Variants in HEXB observed in about 807,000 individuals in gnomAD.
HEXB encodes beta-hexosaminidase subunit beta.
A neutral mutation model predicts 71.2 loss-of-function variants in HEXB; 51 were observed. The ratio of observed to expected loss-of-function variants is 0.72; its 90% confidence interval spans 0.57 to 0.90. The LOEUF (loss-of-function observed/expected upper bound fraction) is 0.90, where lower values mean the gene tolerates loss of function less well. Ranked by LOEUF, HEXB falls within the 40% of genes least tolerant of loss-of-function variation. HEXB has a pLI of 0.00. For missense variants in HEXB, 617 were observed against 677.0 expected, an observed-to-expected ratio of 0.91 and a Z score of 0.98; for synonymous variants, 266 against 249.3, an observed-to-expected ratio of 1.07 and a Z score of -0.63.
intron 1 of HEXB, among the ~76,000 whole-genome samples, chr5:74,645,712 G>T (rs554673243): frequency 5.9e-5 from 9 of 152,278 alleles, no homozygotes; most frequent in Non-Finnish European, 1.3e-4. Flanking sequence ...GAAATCAAGT[G>T]ATCTAGACTG....
intron 1 of HEXB, among the ~76,000 whole-genome samples, chr5:74,687,418 G>A (rs1397577893): frequency 6.6e-6 from 1 of 152,232 alleles, no homozygotes; most frequent in Non-Finnish European, 1.5e-5. Context: ...GCTTTTTGCA[G>A]GCAGAGAGTT....
At chr5:74,663,861 C>T (rs1411309321) in intron 1 of HEXB, among the ~76,000 whole-genome samples, 1 of 152,198 alleles carries the variant, frequency 6.6e-6, no homozygotes, top group Non-Finnish European at 1.5e-5. Context: ...CGTGGGGGCT[C>T]ATGCCTGTAA....
At chr5:74,679,034 T>C (rs1038212032) in intron 1 of HEXB, among the ~76,000 whole-genome samples, 3 of 152,238 alleles carry the variant, frequency 2.0e-5, no homozygotes, top group Non-Finnish European at 4.4e-5. Flanking sequence ...TTGCCGTTTT[T>C]GGGGGAAAAA....
chr5:74,690,679 A>C (rs1748982285), intron 2 of HEXB, among the ~76,000 whole-genome samples: 1 of 82,638 alleles, frequency 1.2e-5, no homozygotes, highest in Admixed American at 1.3e-4. Flanking sequence ...AAAAAAAAAA[A>C]AAAAAAAAAA....
intron 5 of HEXB, among the ~76,000 whole-genome samples, chr5:74,702,101 C>T (rs545656165): frequency 3.5e-5 from 3 of 85,808 alleles, no homozygotes; most frequent in African/African-American, 4.7e-5. Flanking sequence ...TTTTTTGAGA[C>T]GGAGTCTCGC....
At position 74,720,423 on chromosome 5, in the gene HEXB, T is replaced by C. The variant is rs773772578; in HGVS notation, c.1418-5T>C. The stretch of plus-strand genomic sequence containing the variant: ...TCTGAACTTAATTCAATGATTTTAA[T>C]TTAGGTACTCAGAAACAGAAACAAC... On this transcript the variant is annotated splice_polypyrimidine_tract_variant and splice_region_variant and intron_variant, in intron 11 of 13. Coordinates refer to ENST00000261416, the MANE Select transcript of HEXB (RefSeq NM_000521.4). The C allele has an allele frequency of 1.3e-5, 20 of 1,589,006 alleles. No individual in the cohort carries two copies. The East Asian group carries it at 4.5e-4, about 35-fold the overall frequency.
chr5:74,704,203 C>G (rs1749326173), intron 5 of HEXB, among the ~76,000 whole-genome samples: 1 of 152,100 alleles, frequency 6.6e-6, no homozygotes, highest in Non-Finnish European at 1.5e-5. Flanking sequence ...ATTTCTGGCT[C>G]CCTTCTCTGA....
rs771233421 is a variant in HEXB, at chr5:74,685,281, G to A, written c.21G>A (p.Gly7=). The A allele has an allele frequency of 6.5e-7, 1 of 1,545,076 alleles. No homozygotes were observed. The highest frequency in any genetic ancestry group is 1.9e-5 in the Admixed American group (1 of 52,158). ...CGGCCATGGAGCTGTGCGGGCTGGG[G>A]CTGCCCCGGCCGCCCATGCTGCTGG... MELCGL[G]LPRPPMLLAL... Residue 7 remains glycine, a synonymous_variant, in exon 1 of 14, where the codon GGG becomes GGA. Coordinates refer to ENST00000261416, the MANE Select transcript of HEXB (RefSeq NM_000521.4).
intron 1 of HEXB, among the ~76,000 whole-genome samples, chr5:74,664,082 C>A (rs909471194): frequency 6.6e-6 from 1 of 151,826 alleles, no homozygotes; most frequent in African/African-American, 2.4e-5. Context: ...ATGGTGAAAC[C>A]CCGTCTCTAC....
chr5:74,679,654 G>T (rs1404811141), intron 1 of HEXB, among the ~76,000 whole-genome samples: 1 of 152,004 alleles, frequency 6.6e-6, no homozygotes, highest in African/African-American at 2.4e-5. Flanking sequence ...ACAAAAATTA[G>T]CTGGGAGTGG....
intron 6 of HEXB, among the ~76,000 whole-genome samples, chr5:74,712,373 A>G (rs1407473836): frequency 2.0e-5 from 3 of 151,706 alleles, no homozygotes; most frequent in Non-Finnish European, 4.4e-5. Context: ...TGGCACATGT[A>G]TACATACGTA....
At chr5:74,702,332 C>A (rs931815405) in intron 5 of HEXB, among the ~76,000 whole-genome samples, 3 of 151,962 alleles carry the variant, frequency 2.0e-5, no homozygotes, top group Non-Finnish European at 4.4e-5. Flanking sequence ...CCCGCCTCGG[C>A]CTCCCAAAGT....
intron 1 of HEXB, among the ~76,000 whole-genome samples, chr5:74,667,879 G>A (rs192724252): frequency 6.6e-6 from 1 of 152,236 alleles, no homozygotes; most frequent in Non-Finnish European, 1.5e-5. Context: ...TGATTAAGGG[G>A]TCCTCAAATA....
At chr5:74,677,435 G>A (rs1748651639) in intron 1 of HEXB, among the ~76,000 whole-genome samples, 1 of 151,218 alleles carries the variant, frequency 6.6e-6, no homozygotes, top group Non-Finnish European at 1.5e-5. Context: ...TTCTATTGGG[G>A]CAGGACAGCT....
chr5:74,646,011 C>T (rs1747995966), intron 1 of HEXB, among the ~76,000 whole-genome samples: 1 of 151,012 alleles, frequency 6.6e-6, no homozygotes, highest in African/African-American at 2.4e-5. Context: ...AAACTTGGAT[C>T]CCTACTTTTA....
intron 5 of HEXB, among the ~76,000 whole-genome samples, chr5:74,700,001 CTTTTTTTTTTTTTTTTT>C (rs58177670): frequency 2.5e-5 from 1 of 40,336 alleles, no homozygotes; most frequent in African/African-American, 9.9e-5. Context: ...TGTAAGTTTC[CTTTTTTTTTTTTTTTTT>C]TTTTTTTTGA....
chr5:74,689,739 T>C (rs1026219843), intron 2 of HEXB: 2 of 483,712 alleles, frequency 4.1e-6, no homozygotes, highest in African/African-American at 3.9e-5. Context: ...TTAGGTGTAT[T>C]TTTTTGCAGA....
intron 11 of HEXB, among the ~76,000 whole-genome samples, chr5:74,719,230 C>T (rs187817523): frequency 6.6e-6 from 1 of 152,308 alleles, no homozygotes; most frequent in African/African-American, 2.4e-5. Context: ...TATAGATCCC[C>T]TTAGATTTTA....
At chr5:74,710,282 A>G (rs182333652) in intron 6 of HEXB, among the ~76,000 whole-genome samples, 46,715 of 149,620 alleles carry the variant, frequency 0.31, 8,953 homozygotes, top group African/African-American at 0.54. Context: ...TTGATGGGAC[A>G]TATCTCAAAA....
Sources: allele counts gnomAD v4.1 joint callset (sites outside exome capture counted in the v4.1 genomes callset), GRCh38; gene constraint gnomAD v4.1.1; transcripts MANE v1.5; gene names NCBI Gene and HGNC (gene_info 2026-07-23, HGNC 2026-07-21).